SPAG1: variants seen among roughly 807,000 people sequenced by gnomAD.
SPAG1 encodes sperm associated antigen 1.
SPAG1 carries 69 observed loss-of-function variants against 100.5 expected under a neutral mutation model. The observed-to-expected ratio is 0.69, with a 90% CI of 0.57 to 0.84. SPAG1 has a LOEUF of 0.84. Among genes scored for constraint, SPAG1 ranks in the 40% least tolerant of loss-of-function variants. SPAG1 has a pLI of 0.00. For synonymous variants in SPAG1, 336 were observed against 411.6 expected, an observed-to-expected ratio of 0.82 and a Z score of 2.22; for missense variants, 955 against 1,133.1, an observed-to-expected ratio of 0.84 and a Z score of 2.26.
intron 10 of SPAG1, among the ~76,000 whole-genome samples, chr8:100,202,615 C>G (rs1817329851): frequency 7.0e-6 from 1 of 142,028 alleles, no homozygotes; most frequent in Non-Finnish European, 1.5e-5. Context: ...GAGGCTGAGG[C>G]AGGAGAATGG....
At chr8:100,161,162 A>C (rs1815289007) in intron 1 of SPAG1, among the ~76,000 whole-genome samples, 1 of 152,066 alleles carries the variant, frequency 6.6e-6, no homozygotes, top group Non-Finnish European at 1.5e-5. Flanking sequence ...GAAAATGGCA[A>C]AACCCCATCT....
intron 12 of SPAG1, among the ~76,000 whole-genome samples, chr8:100,218,305 AT>A (rs1818103671): frequency 1.3e-5 from 2 of 152,194 alleles, no homozygotes; most frequent in Non-Finnish European, 1.5e-5. Context: ...AGTTAAAGAA[AT>A]AAATTTACTG....
rs148127923 is a variant in SPAG1 at position 100,224,413 on chromosome 8, G to A, written c.1689-760G>A. The stretch of plus-strand genomic sequence containing the variant: ...TAAAATTAGCTGGGCGTGGTGGCGC[G>A]TGCCTGTAATCCCAGCTACTTGGGG... On this transcript the variant is annotated intron_variant, in intron 13 of 18. Transcript: ENST00000388798. 9.6e-3 allele frequency among the ~76,000 whole-genome samples: 1,466 copies of A among 152,168 alleles called. 17 individuals carry two copies. The highest frequency in any genetic ancestry group is 0.012 in the Non-Finnish European group (839 of 68,014).
chr8:100,239,777 T>C lies in SPAG1; in HGVS notation c.2280+373T>C, dbSNP rs1205426673. 2.0e-5 allele frequency among the ~76,000 whole-genome samples: 3 copies of C among 152,214 alleles called. No homozygotes were observed. Among genetic ancestry groups the C allele is most frequent in the African/African-American group, 4.8e-5 (2 of 41,460 alleles). ...CAGGGGCCCTGAAAGCCTCACCTCA[T>C]AGAGATTATCCAGATTGATTCAGAC... is the stretch of plus-strand genomic sequence containing the variant. On this transcript the variant is annotated intron_variant, in intron 17 of 18. Transcript: ENST00000388798. The surrounding 1 kb of genome is among the most constrained non-coding windows in gnomAD (Gnocchi z 5.0).
At chr8:100,183,514 A>G in intron 5 of SPAG1, 78 bp downstream of exon 5, 1 of 672,074 alleles carries the variant, frequency 1.5e-6, no homozygotes, top group Non-Finnish European at 2.6e-6. Flanking sequence ...AATTTCTTAA[A>G]TAATTATTAT....
chr8:100,181,801 A>C (rs1453887130), intron 4 of SPAG1, among the ~76,000 whole-genome samples: 1 of 152,196 alleles, frequency 6.6e-6, no homozygotes, highest in Admixed American at 6.5e-5. Context: ...ATGACATTGC[A>C]AAGACCCTAT....
intron 7 of SPAG1, among the ~76,000 whole-genome samples, chr8:100,185,396 A>G (rs972169079): frequency 6.6e-6 from 1 of 151,872 alleles, no homozygotes; most frequent in Non-Finnish European, 1.5e-5. Flanking sequence ...CACCCCACCC[A>G]CCTCACCTCC....
intron 2 of SPAG1, among the ~76,000 whole-genome samples, chr8:100,163,726 A>T (rs1202110250): frequency 1.3e-5 from 2 of 152,104 alleles, no homozygotes; most frequent in African/African-American, 4.8e-5. Context: ...CCACAGCCAG[A>T]TGCTGATGTG....
intron 15 of SPAG1, among the ~76,000 whole-genome samples, chr8:100,233,008 G>A (rs1818846988): frequency 6.6e-6 from 1 of 152,186 alleles, no homozygotes; most frequent in African/African-American, 2.4e-5. Context: ...CAGTGCATTT[G>A]CATTGGATAA....
At chr8:100,206,081 A>C (rs956691310) in intron 10 of SPAG1, among the ~76,000 whole-genome samples, 2 of 146,624 alleles carry the variant, frequency 1.4e-5, no homozygotes, top group African/African-American at 5.1e-5. Context: ...GGTGAGTCCC[A>C]TCACATTCCC....
In SPAG1 at chr8:100,239,007, GC is replaced by G. The variant is rs1247066862; in HGVS notation, c.2116-232del. Among the ~76,000 whole-genome samples, 1 of 152,128 alleles carries G rather than the reference GC, an allele frequency of 6.6e-6. No homozygotes were observed. The highest frequency in any genetic ancestry group is 1.5e-5 in the Non-Finnish European group (1 of 68,014). On this transcript the variant is annotated intron_variant, in intron 16 of 18. Coordinates refer to ENST00000388798, the MANE Select transcript of SPAG1 (RefSeq NM_003114.5). The surrounding 1 kb of genome is among the most constrained non-coding windows in gnomAD (Gnocchi z 5.0). The stretch of plus-strand genomic sequence containing the variant: ...GTTGTGGTGATACAGAATTTAACTT[GC>G]GTTTTCTAACTCCAGATCCTGTGCT...
At chr8:100,223,188 C>T (rs1818358926) in intron 13 of SPAG1, among the ~76,000 whole-genome samples, 2 of 152,188 alleles carry the variant, frequency 1.3e-5, no homozygotes, top group Admixed American at 1.3e-4. Context: ...ACATTTGGGT[C>T]ATTTTCACCT....
intron 14 of SPAG1, among the ~76,000 whole-genome samples, 173 bp downstream of exon 14, chr8:100,225,512 C>T (rs774451706): frequency 3.3e-5 from 5 of 152,176 alleles, no homozygotes; most frequent in Non-Finnish European, 5.9e-5. Context: ...CTCTGTTGCC[C>T]AGGCTGGAGT....
rs567773295 is a variant in SPAG1, at chr8:100,185,043, T to C, written c.701+310T>C. 140 of 250,674 alleles carry C rather than the reference T, an allele frequency of 5.6e-4. 3 individuals are homozygous for C. In the South Asian group the frequency reaches 6.6e-3, roughly 12 times the overall value. 15.5% of individuals were successfully genotyped at this position (250,674 alleles called of 1,614,324 possible). ...GAAGTGAATAACTTGGGTTCCATTG[T>C]AGACTGCCTGGATTTACTTCTAGTA... On this transcript the variant is annotated intron_variant, in intron 7 of 18. Transcript: ENST00000388798.
At chr8:100,199,838 A>G (rs1397988519) in intron 10 of SPAG1, among the ~76,000 whole-genome samples, 6 of 151,834 alleles carry the variant, frequency 4.0e-5, no homozygotes, top group Non-Finnish European at 8.8e-5. Context: ...CTTATTAAAT[A>G]TGATTTGCAA....
intron 12 of SPAG1, among the ~76,000 whole-genome samples, 158 bp downstream of exon 12, chr8:100,214,076 C>T (rs562257630): frequency 8.5e-5 from 13 of 152,280 alleles, no homozygotes; most frequent in South Asian, 2.1e-4. Flanking sequence ...AATTATCTTA[C>T]GTATATGAAG....
intron 10 of SPAG1, among the ~76,000 whole-genome samples, chr8:100,196,719 CTG>C (rs1817047134): frequency 6.6e-6 from 1 of 151,814 alleles, no homozygotes; most frequent in Non-Finnish European, 1.5e-5. Flanking sequence ...TTTTAATGGA[CTG>C]TGCTTTTAAT....
In SPAG1 at chr8:100,162,629, G is replaced by A. The variant is rs73279014; in HGVS notation, c.140+209G>A. Among the ~76,000 whole-genome samples, 922 of 152,286 alleles carry A rather than the reference G, an allele frequency of 6.1e-3. 15 individuals carry two copies. The highest frequency in any genetic ancestry group is 0.022 in the African/African-American group (895 of 41,548). Reference sequence around the variant, plus strand: ...GACGCAGGCTAATTAATATCCAGGAGGGTATTTTTCTTGCCTTCTCTACAT... The same window carrying A: ...GACGCAGGCTAATTAATATCCAGGAAGGTATTTTTCTTGCCTTCTCTACAT... On this transcript the variant is annotated intron_variant, in intron 2 of 18. Coordinates refer to ENST00000388798, the MANE Select transcript of SPAG1 (RefSeq NM_003114.5).
At chr8:100,228,605 T>G (rs1345930482) in intron 14 of SPAG1, among the ~76,000 whole-genome samples, 2 of 151,768 alleles carry the variant, frequency 1.3e-5, no homozygotes, top group Non-Finnish European at 2.9e-5. Context: ...CCCAGCTGCT[T>G]GGGAGGCTGA....
Sources: gnomAD v4.1 joint callset for allele counts (sites outside exome capture counted in the v4.1 genomes callset) on GRCh38, gnomAD v4.1.1 for gene constraint, Gnocchi (gnomAD v3.1) non-coding constraint, MANE v1.5 for transcripts, NCBI Gene and HGNC (gene_info 2026-07-23, HGNC 2026-07-21) for gene names.